Variants in OCM observed in about 807,000 individuals in gnomAD.
OCM encodes the protein oncomodulin.
In OCM, 18 loss-of-function variants were observed where a neutral mutation model predicts 14.1. That is an observed-to-expected ratio of 1.28 (90% CI 0.88 to 1.89). OCM has a LOEUF of 1.89. Ranked by LOEUF, OCM falls within the 40% of genes most tolerant of loss-of-function variation. The probability of loss-of-function intolerance (pLI) is 0.00; values close to 1 mark genes in which losing one functional copy is unlikely to be tolerated. For missense variants in OCM, 140 were observed against 137.6 expected (o/e 1.02, Z -0.09); for synonymous variants, 48 against 51.0 (o/e 0.94, Z 0.25).
chr7:5,882,392 T>G, intron 1 of OCM, 101 bp from the exon 2 acceptor site: 3 of 1,355,000 alleles, frequency 2.2e-6, no homozygotes, highest in Non-Finnish European at 3.1e-6. Context: ...AGCTCAGGGA[T>G]ATTGTTGAAG....
the OCM span, among the ~76,000 whole-genome samples, chr7:5,869,089 A>G: frequency 6.6e-6 from 1 of 152,002 alleles, no homozygotes; most frequent in South Asian, 2.1e-4. Flanking sequence ...AAACAAAACA[A>G]AAAGGACTGA....
At chr7:5,871,439 C>G in the OCM span, among the ~76,000 whole-genome samples, 3 of 152,104 alleles carry the variant, frequency 2.0e-5, no homozygotes, top group African/African-American at 7.2e-5. Flanking sequence ...AGGCAAACCT[C>G]CCAAAGTGCT....
chr7:5,860,492 T>TATATACGTGTAC, the OCM span, among the ~76,000 whole-genome samples: 1 of 123,496 alleles, frequency 8.1e-6, no homozygotes, highest in African/African-American at 3.2e-5. Flanking sequence ...TATACGTGTA[T>TATATACGTGTAC]ATATATATTA....
At chr7:5,885,013 G>A (rs1440589755) in intron 3 of OCM, among the ~76,000 whole-genome samples, 5 of 151,910 alleles carry the variant, frequency 3.3e-5, no homozygotes, top group South Asian at 2.1e-4. Context: ...CCAACTACTC[G>A]GGAAGCTGAG....
At chr7:5,867,659 T>C in the OCM span, among the ~76,000 whole-genome samples, 3 of 152,144 alleles carry the variant, frequency 2.0e-5, no homozygotes, top group Non-Finnish European at 4.4e-5. Flanking sequence ...AGTAGCTCAC[T>C]GATGTCTGGT....
chr7:5,869,977 C>T, the OCM span, among the ~76,000 whole-genome samples: 15 of 152,156 alleles, frequency 9.9e-5, no homozygotes, highest in African/African-American at 3.4e-4. Context: ...GCGCCATCCT[C>T]CAGCCTTGAC....
chr7:5,882,320 G>T (rs1302952821), intron 1 of OCM, among the ~76,000 whole-genome samples, 173 bp from the exon 2 acceptor site: 1 of 152,008 alleles, frequency 6.6e-6, no homozygotes, highest in African/African-American at 2.4e-5. Flanking sequence ...GACATGGGAT[G>T]CCATCACAGA....
chr7:5,878,214 C>T (rs560072738), upstream of OCM, among the ~76,000 whole-genome samples: 538 of 151,450 alleles, frequency 3.6e-3, 3 homozygotes, highest in African/African-American at 0.012. Flanking sequence ...TTGCCCACCT[C>T]GGCCTCCCAA....
chr7:5,870,448 G>A, the OCM span, among the ~76,000 whole-genome samples: 460 of 152,252 alleles, frequency 3.0e-3, no homozygotes, highest in African/African-American at 0.011. Flanking sequence ...ATAGCATCCT[G>A]TCCATTGGCT....
the OCM span, among the ~76,000 whole-genome samples, chr7:5,861,131 T>C: frequency 6.6e-6 from 1 of 151,960 alleles, no homozygotes; most frequent in Non-Finnish European, 1.5e-5. Context: ...AGAATCCCAG[T>C]TCTGGCCGAG....
the OCM span, chr7:5,872,173 G>C: frequency 1.3e-5 from 2 of 152,188 alleles, no homozygotes; most frequent in Non-Finnish European, 2.9e-5. Context: ...CTGGCCCGTG[G>C]GTAATCAAAG....
the OCM span, among the ~76,000 whole-genome samples, chr7:5,874,806 C>T: frequency 6.6e-6 from 1 of 151,944 alleles, no homozygotes; most frequent in Non-Finnish European, 1.5e-5. Flanking sequence ...GCACCCAACC[C>T]ATCTTAACCC....
chr7:5,868,947 C>T, the OCM span, among the ~76,000 whole-genome samples: 1 of 152,072 alleles, frequency 6.6e-6, no homozygotes. Flanking sequence ...CCTGTAATCC[C>T]AGCTACTTGG....
upstream of OCM, among the ~76,000 whole-genome samples, chr7:5,877,196 G>C (rs1337914504): frequency 6.6e-6 from 1 of 152,034 alleles, no homozygotes; most frequent in Non-Finnish European, 1.5e-5. Context: ...TGGGCACAGT[G>C]GCTCATGCCT....
At chr7:5,871,590 A>C in the OCM span, among the ~76,000 whole-genome samples, 3 of 152,218 alleles carry the variant, frequency 2.0e-5, no homozygotes, top group African/African-American at 7.2e-5. Context: ...AATGTTGCAC[A>C]CACCTGTTGT....
At chr7:5,865,987 A>C in the OCM span, among the ~76,000 whole-genome samples, 1 of 152,076 alleles carries the variant, frequency 6.6e-6, no homozygotes, top group East Asian at 1.9e-4. Flanking sequence ...AGGGCAGTTT[A>C]AGGGCTATTC....
At chr7:5,860,232 C>T in the OCM span, among the ~76,000 whole-genome samples, 11 of 151,826 alleles carry the variant, frequency 7.2e-5, no homozygotes, top group South Asian at 2.1e-4. Context: ...TAAGTTGAGA[C>T]GGAGCCGCTC....
upstream of OCM, among the ~76,000 whole-genome samples, chr7:5,876,465 T>C (rs1262402711): frequency 1.3e-5 from 2 of 152,054 alleles, no homozygotes; most frequent in Admixed American, 6.6e-5. Flanking sequence ...GAAACTTCTT[T>C]AAGGGGCTGG....
chr7:5,863,806 A>C, the OCM span, among the ~76,000 whole-genome samples: 4 of 152,132 alleles, frequency 2.6e-5, no homozygotes, highest in Non-Finnish European at 5.9e-5. Flanking sequence ...TGCTGGAATT[A>C]CAGGCGTGAG....
Sources: allele counts gnomAD v4.1 joint callset (sites outside exome capture counted in the v4.1 genomes callset), GRCh38; gene constraint gnomAD v4.1.1; transcripts MANE v1.5; gene names NCBI Gene and HGNC (gene_info 2026-07-23, HGNC 2026-07-21).